Variants in LIMCH1 observed in about 807,000 individuals in gnomAD.
LIMCH1 encodes LIM and calponin homology domains-containing protein 1.
Under a neutral mutation model 176.5 loss-of-function variants are expected in LIMCH1, and 113 were observed. The ratio of observed to expected loss-of-function variants is 0.64; its 90% CI spans 0.55 to 0.75. LIMCH1 has a LOEUF of 0.75. Ranked by LOEUF, LIMCH1 falls within the 30% of genes least tolerant of loss-of-function variation. The probability of loss-of-function intolerance (pLI) is 0.00; values close to 1 mark genes in which losing one functional copy is unlikely to be tolerated. For missense variants in LIMCH1, 1,674 were observed against 1,814.9 expected, an observed-to-expected ratio of 0.92 and a Z score of 1.41; for synonymous variants, 619 against 645.9, an observed-to-expected ratio of 0.96 and a Z score of 0.63.
At chr4:41,637,589 C>G (rs983537682) in intron 13 of LIMCH1, among the ~76,000 whole-genome samples, 1 of 152,170 alleles carries the variant, frequency 6.6e-6, no homozygotes, top group East Asian at 1.9e-4. Flanking sequence ...CCTTCCGAAA[C>G]GATACTCTGG....
chr4:41,420,283 G>A (rs1366534542), intron 1 of LIMCH1, among the ~76,000 whole-genome samples: 1 of 152,110 alleles, frequency 6.6e-6, no homozygotes, highest in Non-Finnish European at 1.5e-5. Context: ...TAGTGCTTTG[G>A]TACTTAATAG....
intron 18 of LIMCH1, 104 bp downstream of exon 18, chr4:41,650,712 T>C (rs2094258577): frequency 7.0e-6 from 7 of 1,001,516 alleles, no homozygotes; most frequent in Non-Finnish European, 8.7e-6. Flanking sequence ...TCTTTCTATG[T>C]TGGCGTATTA....
At chr4:41,476,102 G>T (rs1000285930) in intron 1 of LIMCH1, among the ~76,000 whole-genome samples, 1 of 152,128 alleles carries the variant, frequency 6.6e-6, no homozygotes, top group Non-Finnish European at 1.5e-5. Flanking sequence ...CTTTCAAAGT[G>T]CTGGGATTCC....
intron 1 of LIMCH1, among the ~76,000 whole-genome samples, chr4:41,417,349 C>T (rs766633775): frequency 2.0e-5 from 3 of 152,072 alleles, no homozygotes; most frequent in Non-Finnish European, 2.9e-5. Flanking sequence ...ATCCAGAGTC[C>T]TCAGTTTACA....
At chr4:41,495,887 A>G (rs2072034846) in intron 2 of LIMCH1, among the ~76,000 whole-genome samples, 1 of 152,072 alleles carries the variant, frequency 6.6e-6, no homozygotes, top group Non-Finnish European at 1.5e-5. Context: ...CTTCTATTTG[A>G]TGTTTCCATA....
At chr4:41,468,469 T>A (rs533113884) in intron 1 of LIMCH1, among the ~76,000 whole-genome samples, 6 of 149,670 alleles carry the variant, frequency 4.0e-5, no homozygotes, top group African/African-American at 1.5e-4. Context: ...TTTAGCAAAA[T>A]CTTGACCTGA....
intron 1 of LIMCH1, among the ~76,000 whole-genome samples, chr4:41,578,748 G>A (rs1182257988): frequency 6.6e-6 from 1 of 151,140 alleles, no homozygotes; most frequent in East Asian, 1.9e-4. Context: ...CCTTTGATAG[G>A]GTCTCACTTG....
chr4:41,541,603 C>G (rs1322323056), intron 1 of LIMCH1, among the ~76,000 whole-genome samples: 2 of 152,234 alleles, frequency 1.3e-5, no homozygotes, highest in Admixed American at 1.3e-4. Context: ...ATAGCCCAGA[C>G]CTGGTAAATC....
In LIMCH1 at chr4:41,425,155, G is replaced by A. The variant is rs186465559; in HGVS notation, c.96+64219G>A. 2.0e-4 allele frequency among the ~76,000 whole-genome samples: 31 copies of A among 152,198 alleles called. No homozygotes were observed. The East Asian group carries it at 2.9e-3, about 14-fold the overall frequency. On this transcript the variant is annotated intron_variant, in intron 1 of 26. Transcript: ENST00000313860. The stretch of plus-strand genomic sequence containing the variant: ...GGGCATATCTGTTTTCCTTCTGAAC[G>A]TTTAAAAAGATTTTAAACATGGAAC...
At chr4:41,528,749 A>T (rs973930066) in intron 3 of LIMCH1, among the ~76,000 whole-genome samples, 2 of 152,222 alleles carry the variant, frequency 1.3e-5, no homozygotes, top group Admixed American at 6.5e-5. Context: ...CAATCCATTA[A>T]GATGGCCCAG....
chr4:41,369,941 T>TGTGTGTGTGTGTG (rs1339922164), intron 1 of LIMCH1, among the ~76,000 whole-genome samples: 1 of 141,604 alleles, frequency 7.1e-6, no homozygotes, highest in African/African-American at 2.9e-5. Flanking sequence ...GGAAGCAAAG[T>TGTGTGTGTGTGTG]GTGTGTGTGT....
intron 1 of LIMCH1, among the ~76,000 whole-genome samples, chr4:41,555,742 G>A (rs889302819): frequency 2.6e-5 from 4 of 151,982 alleles, no homozygotes; most frequent in Admixed American, 6.6e-5. Context: ...ACTGTAGAGT[G>A]TTATTTTATT....
At chr4:41,402,529 A>G (rs1432595948) in intron 1 of LIMCH1, among the ~76,000 whole-genome samples, 2 of 139,962 alleles carry the variant, frequency 1.4e-5, no homozygotes, top group Non-Finnish European at 3.0e-5. Context: ...ATGCACACGT[A>G]TGTTTATTGC....
intron 1 of LIMCH1, among the ~76,000 whole-genome samples, chr4:41,399,593 T>C (rs1375651647): frequency 6.6e-6 from 1 of 152,190 alleles, no homozygotes; most frequent in Non-Finnish European, 1.5e-5. Context: ...TAATGACTGC[T>C]TAACATGTAT....
chr4:41,532,134 T>G (rs893577440), intron 3 of LIMCH1, among the ~76,000 whole-genome samples: 5 of 152,158 alleles, frequency 3.3e-5, no homozygotes, highest in Non-Finnish European at 7.4e-5. Flanking sequence ...AGCATTTTAG[T>G]AGGTCTAGCC....
chr4:41,412,187 A>C (rs534218321), intron 1 of LIMCH1, among the ~76,000 whole-genome samples: 1 of 152,262 alleles, frequency 6.6e-6, no homozygotes, highest in East Asian at 1.9e-4. Context: ...GCTGAGCAGC[A>C]ATTTATTAAA....
intron 2 of LIMCH1, among the ~76,000 whole-genome samples, chr4:41,507,338 C>A (rs2074306109): frequency 6.6e-6 from 1 of 152,120 alleles, no homozygotes; most frequent in African/African-American, 2.4e-5. Flanking sequence ...CCTCTCTCCC[C>A]TTCCTGGAGG....
chr4:41,395,417 A>G (rs1167914063), intron 1 of LIMCH1, among the ~76,000 whole-genome samples: 1 of 89,032 alleles, frequency 1.1e-5, no homozygotes, highest in Non-Finnish European at 2.2e-5. Flanking sequence ...TAATTTTTGT[A>G]TTTTTAGTAG....
In LIMCH1 at chr4:41,646,020, A is replaced by G. The variant is rs556994847; in HGVS notation, c.2254-103A>G. 5.9e-6 allele frequency: 7 copies of G among 1,179,814 alleles called. No homozygotes were observed. The South Asian group carries it at 9.3e-5, about 16-fold the overall frequency. The allele number at this position is 1,179,814 out of a possible 1,614,324, so 73.1% of individuals were successfully genotyped here. On this transcript the variant is annotated intron_variant, in intron 15 of 31. Transcript: ENST00000503057. ...ACACGATGTTATAGTGCCTGGGCCCATAGTCAGTTCTCTAAAGAGTAGAAA... is the reference window on the plus strand; with the variant it reads ...ACACGATGTTATAGTGCCTGGGCCCGTAGTCAGTTCTCTAAAGAGTAGAAA...
Sources: allele counts gnomAD v4.1 joint callset (sites outside exome capture counted in the v4.1 genomes callset), GRCh38; gene constraint gnomAD v4.1.1; transcripts MANE v1.5; gene names NCBI Gene and HGNC (gene_info 2026-07-23, HGNC 2026-07-21).